Variants in PTPRD observed in about 807,000 individuals in gnomAD.
PTPRD encodes protein tyrosine phosphatase receptor type D.
PTPRD carries 34 observed loss-of-function variants against 214.5 expected under a neutral mutation model. That is an observed-to-expected ratio of 0.16 (90% CI 0.12 to 0.21). The LOEUF (loss-of-function observed/expected upper bound fraction) is 0.21. Among genes scored for constraint, PTPRD ranks in the 10% least tolerant of loss-of-function variants. The pLI is 1.00. For synonymous variants in PTPRD, 1,128 were observed against 845.7 expected, an observed-to-expected ratio of 1.33 and a Z score of -5.79; for missense variants, 2,545 against 2,398.7, an observed-to-expected ratio of 1.06 and a Z score of -1.27.
Position 9,079,371 on chromosome 9 carries a change from T to C in PTPRD, c.-142-60636A>G, listed in dbSNP as rs1040173935. On this transcript the variant is annotated intron_variant, in intron 10 of 45. Coordinates refer to ENST00000381196, the MANE Select transcript of PTPRD (RefSeq NM_002839.4). ...TCAGTTCCATCTATGTTGCCATACA[T>C]GACAGGATTTTATTCATTTTTATGG... 2.0e-4 allele frequency among the ~76,000 whole-genome samples: 30 copies of C among 152,238 alleles called. 1 individual carries two copies. Among genetic ancestry groups the C allele is most frequent in the African/African-American group, 7.0e-4 (29 of 41,556 alleles).
chr9:9,445,820 G>C (rs1319347788), intron 8 of PTPRD, among the ~76,000 whole-genome samples: 3 of 152,032 alleles, frequency 2.0e-5, no homozygotes, highest in African/African-American at 4.8e-5. Flanking sequence ...TAGATTACTT[G>C]AGGTCTTTAT....
intron 27 of PTPRD, among the ~76,000 whole-genome samples, chr9:8,489,673 G>C (rs922526775): frequency 1.3e-5 from 2 of 152,206 alleles, no homozygotes; most frequent in Non-Finnish European, 2.9e-5. Context: ...GCTGGAGTAA[G>C]GGTTTGGGAC....
intron 10 of PTPRD, among the ~76,000 whole-genome samples, chr9:9,150,456 CATATT>C (rs200189911): frequency 0.06 from 8,845 of 146,980 alleles, 365 homozygotes; most frequent in Admixed American, 0.097. Flanking sequence ...ATGTATGTAA[CATATT>C]ATATATATAA....
rs61294379 is a variant in PTPRD at position 9,297,536 on chromosome 9, A to G, written c.-203+99913T>C. On this transcript the variant is annotated intron_variant, in intron 9 of 45. Transcript: ENST00000381196. ...GTTATTGACTATCTTCCAAAAAGAC[A>G]TATAGATTGGGAACAGGATTATTTC... 2.0e-5 allele frequency among the ~76,000 whole-genome samples: 3 copies of G among 151,702 alleles called. No individual in the cohort carries two copies. In the Admixed American group the frequency reaches 2.0e-4, roughly 10 times the overall value.
intron 3 of PTPRD, among the ~76,000 whole-genome samples, chr9:10,307,782 C>G (rs2096131287): frequency 6.6e-6 from 1 of 151,860 alleles, no homozygotes; most frequent in Non-Finnish European, 1.5e-5. Context: ...AATGATATAT[C>G]ATTGTGGTTT....
Position 8,542,672 on chromosome 9 carries a change from G to A in PTPRD, c.353-13893C>T, listed in dbSNP as rs895103683. ...GCACAGCACTAAGTACAAAGCAAGTGTCTGTCAGTTGAACACTGATCCAGC... is the reference window on the plus strand; with the variant it reads ...GCACAGCACTAAGTACAAAGCAAGTATCTGTCAGTTGAACACTGATCCAGC... On this transcript the variant is annotated intron_variant, in intron 14 of 45. Transcript: ENST00000381196. Among the ~76,000 whole-genome samples, 121 of 152,354 alleles carry A rather than the reference G, an allele frequency of 7.9e-4. 1 individual carries two copies. The highest frequency in any genetic ancestry group is 2.7e-3 in the African/African-American group (114 of 41,592).
intron 5 of PTPRD, among the ~76,000 whole-genome samples, chr9:9,890,507 T>A (rs957679101): frequency 6.6e-6 from 1 of 152,078 alleles, no homozygotes; most frequent in East Asian, 1.9e-4. Flanking sequence ...CAGTAATTCT[T>A]CATATTAAAC....
At chr9:9,253,288 A>G (rs967193863) in intron 9 of PTPRD, among the ~76,000 whole-genome samples, 61 of 152,212 alleles carry the variant, frequency 4.0e-4, no homozygotes, top group African/African-American at 1.3e-3. Context: ...AACATTCAAT[A>G]TAAATTATTA....
At chr9:9,645,599 G>T (rs2096131948) in intron 7 of PTPRD, among the ~76,000 whole-genome samples, 1 of 151,378 alleles carries the variant, frequency 6.6e-6, no homozygotes, top group East Asian at 1.9e-4. Context: ...GTCTTCAATG[G>T]CTGCTACAAA....
chr9:10,124,099 C>A (rs538887462), intron 3 of PTPRD, among the ~76,000 whole-genome samples: 1 of 152,156 alleles, frequency 6.6e-6, no homozygotes, highest in Non-Finnish European at 1.5e-5. Context: ...CCAGACTTAA[C>A]TTGAAAGCCA....
chr9:8,889,386 G>A (rs1001793220), intron 11 of PTPRD, among the ~76,000 whole-genome samples: 1 of 152,146 alleles, frequency 6.6e-6, no homozygotes, highest in African/African-American at 2.4e-5. Flanking sequence ...ATAGATATGT[G>A]TTAATAAATA....
rs893816018 is a variant in PTPRD, at chr9:9,355,247, T to C, written c.-203+42202A>G. Among the ~76,000 whole-genome samples, 7 of 151,754 alleles carry C rather than the reference T, an allele frequency of 4.6e-5. No homozygotes were observed. The South Asian group carries it at 1.5e-3, about 31-fold the overall frequency. ...TTATACCTCGAAAAAGCTGGACAAA[T>C]AATTATATATTATCAACTGTAAAAG... On this transcript the variant is annotated intron_variant, in intron 9 of 45. Coordinates refer to ENST00000381196, the MANE Select transcript of PTPRD (RefSeq NM_002839.4).
chr9:8,915,482 T>C (rs1004892992), intron 11 of PTPRD, among the ~76,000 whole-genome samples: 3 of 150,102 alleles, frequency 2.0e-5, no homozygotes, highest in East Asian at 3.9e-4. Context: ...CAATGTGATA[T>C]GTGTGTGTGT....
chr9:9,854,556 C>A (rs927304274), intron 5 of PTPRD, among the ~76,000 whole-genome samples: 1 of 151,766 alleles, frequency 6.6e-6, no homozygotes, highest in African/African-American at 2.4e-5. Flanking sequence ...CAGAAGATTT[C>A]TACTGGTATA....
At chr9:8,353,738 C>A (rs997468877) in intron 39 of PTPRD, among the ~76,000 whole-genome samples, 3 of 151,670 alleles carry the variant, frequency 2.0e-5, no homozygotes, top group African/African-American at 4.8e-5. Context: ...CCAGCCAGTA[C>A]TGCCCATTGC....
intron 3 of PTPRD, among the ~76,000 whole-genome samples, chr9:10,199,359 G>A (rs1416018453): frequency 1.3e-5 from 2 of 151,986 alleles, no homozygotes; most frequent in Non-Finnish European, 2.9e-5. Flanking sequence ...ATAATGATAG[G>A]AGAAACTTGT....
At position 9,431,438 on chromosome 9, in the gene PTPRD, G is replaced by A. The variant is rs1461197670; in HGVS notation, c.-236-33956C>T. ...GGAGAGGATGTGGAGAAATAGGAAT[G>A]CTTTTACACTGTTGGTGGGAGTGTA... On this transcript the variant is annotated intron_variant, in intron 8 of 45. Coordinates refer to ENST00000381196, the MANE Select transcript of PTPRD (RefSeq NM_002839.4). Among the ~76,000 whole-genome samples, 28 of 152,162 alleles carry A rather than the reference G, an allele frequency of 1.8e-4. No individual in the cohort carries two copies. The South Asian group carries it at 2.5e-3, about 14-fold the overall frequency.
At chr9:10,072,916 T>A (rs1001057621) in intron 3 of PTPRD, among the ~76,000 whole-genome samples, 2 of 152,122 alleles carry the variant, frequency 1.3e-5, no homozygotes, top group African/African-American at 4.8e-5. Flanking sequence ...TTCCTTAAAC[T>A]GGAAGCAACC....
intron 32 of PTPRD, 140 bp downstream of exon 32, chr9:8,465,326 T>C (rs2096525282): frequency 1.4e-5 from 10 of 717,084 alleles, no homozygotes; most frequent in Admixed American, 2.7e-5. Context: ...GTTCAAAGAG[T>C]AGGCAGCCTG....
Sources: gnomAD v4.1 joint callset for allele counts (sites outside exome capture counted in the v4.1 genomes callset) on GRCh38, gnomAD v4.1.1 for gene constraint, MANE v1.5 for transcripts, NCBI Gene and HGNC (gene_info 2026-07-23, HGNC 2026-07-21) for gene names.